The following LAMB4 variants were observed in gnomAD, a reference collection of about 807,000 sequenced individuals.
The protein encoded by LAMB4 is laminin subunit beta-4.
Under a neutral mutation model 199.2 loss-of-function variants are expected in LAMB4, and 196 were observed. The observed-to-expected ratio is 0.98, with a 90% CI of 0.88 to 1.11. The LOEUF is 1.11. LAMB4 is among the 50% of genes least tolerant of loss of function. The pLI is 0.00. For synonymous variants in LAMB4, 744 were observed against 770.6 expected (o/e 0.97, Z 0.57); for missense variants, 2,080 against 2,171.2 (o/e 0.96, Z 0.83).
rs1402825795 is a variant in LAMB4, at chr7:108,065,794, T to C, written c.2804A>G (p.Asp935Gly). The part of the protein sequence containing the change: ...HSCYQNLWSS[D>G]VICNCLQGYT... Reference sequence around the variant, plus strand: ...ACCTTGAAGACAATTGCAGATTACATCTGAGCTCCACAGATTCTGATAACA... The same window carrying C: ...ACCTTGAAGACAATTGCAGATTACACCTGAGCTCCACAGATTCTGATAACA... The change falls in exon 21 of 34, where the codon GAT (aspartate) becomes GGT (glycine). Residue 935 changes from aspartate to glycine, a missense_variant. Transcript: ENST00000388781. 4 of 1,614,126 alleles carry C rather than the reference T, an allele frequency of 2.5e-6. No individual in the cohort carries two copies. Among genetic ancestry groups the C allele is most frequent in the Non-Finnish European group, 3.4e-6 (4 of 1,179,982 alleles).
downstream of LAMB4, among the ~76,000 whole-genome samples, chr7:108,020,348 G>A (rs61138046): frequency 0.019 from 2,878 of 151,640 alleles, 94 homozygotes; most frequent in African/African-American, 0.065. Flanking sequence ...GCACATGCCT[G>A]TAATCCCAGC....
At chr7:108,016,202 A>G in the LAMB4 span, among the ~76,000 whole-genome samples, 1 of 149,878 alleles carries the variant, frequency 6.7e-6, no homozygotes, top group Non-Finnish European at 1.5e-5. Flanking sequence ...GGCCCTGGCT[A>G]GGTTAGCCTT....
chr7:108,103,668 C>T (rs1464047544), intron 9 of LAMB4, among the ~76,000 whole-genome samples: 1 of 152,216 alleles, frequency 6.6e-6, no homozygotes, highest in East Asian at 1.9e-4. Context: ...CCTCTTTCCA[C>T]AGCAGCAGAG....
chr7:108,097,794 T>C (rs747203302), intron 11 of LAMB4, among the ~76,000 whole-genome samples: 2 of 152,194 alleles, frequency 1.3e-5, no homozygotes, highest in African/African-American at 4.8e-5. Flanking sequence ...AAACACATAA[T>C]GTAATTTAAT....
rs2038589693 is a variant in LAMB4 at position 108,121,303 on chromosome 7, G to A, written c.34+1828C>T. 3.9e-5 allele frequency among the ~76,000 whole-genome samples: 6 copies of A among 152,256 alleles called. No individual in the cohort carries two copies. The South Asian group carries it at 1.2e-3, about 32-fold the overall frequency. On this transcript the variant is annotated intron_variant, in intron 2 of 33. Transcript: ENST00000388781. ...AAAGAATTGTTTTATAGAAATTACT[G>A]TTACTATATAATTTCTCTAGTATTT...
chr7:108,043,641 G>A lies in LAMB4; in HGVS notation c.4471+111C>T, dbSNP rs181191477. On this transcript the variant is annotated intron_variant, in intron 29 of 33. Coordinates refer to ENST00000388781, the MANE Select transcript of LAMB4 (RefSeq NM_007356.3). ...GTCGCCCAGGCTGGAGTGCAGTGGC[G>A]CGATCTCGGCTCACTGCAAGCTCCG... The A allele has an allele frequency of 7.2e-4, 165 of 230,692 alleles. 4 individuals carry two copies. The East Asian group carries it at 0.014, about 19-fold the overall frequency. The allele number at this position is 230,692 out of a possible 1,614,324, so 14.3% of individuals were successfully genotyped here. A position where few individuals can be genotyped will look rare whatever the true frequency, so the allele number is the denominator to read the frequency against.
At chr7:108,097,093 G>C (rs1232066697) in intron 11 of LAMB4, among the ~76,000 whole-genome samples, 1 of 152,100 alleles carries the variant, frequency 6.6e-6, no homozygotes, top group Admixed American at 6.6e-5. Context: ...TGGGAAATTG[G>C]TTTGACTATA....
intron 14 of LAMB4, among the ~76,000 whole-genome samples, chr7:108,082,329 TAAA>T (rs34929844): frequency 5.7e-5 from 6 of 104,646 alleles, no homozygotes; most frequent in Non-Finnish European, 3.8e-5. Context: ...GACTCCGTCT[TAAA>T]AAAAAAAAAA....
chr7:108,072,258 C>T (rs1055732903), intron 17 of LAMB4, among the ~76,000 whole-genome samples: 1 of 152,142 alleles, frequency 6.6e-6, no homozygotes. Flanking sequence ...TTTCATGGCT[C>T]TCTCCATGAA....
chr7:108,042,967 G>T (rs1395574610), intron 29 of LAMB4, among the ~76,000 whole-genome samples: 1 of 151,534 alleles, frequency 6.6e-6, no homozygotes, highest in Admixed American at 6.6e-5. Flanking sequence ...GTGTGTGTGT[G>T]TGTGTGTGTG....
At chr7:108,109,046 A>C in intron 5 of LAMB4, 125 bp downstream of exon 5, 1 of 698,836 alleles carries the variant, frequency 1.4e-6, no homozygotes, top group Non-Finnish European at 2.5e-6. Flanking sequence ...CTCAGGTGGC[A>C]AAGGTCAAGT....
At chr7:108,074,446 G>A (rs1011674703) in intron 17 of LAMB4, among the ~76,000 whole-genome samples, 6 of 152,056 alleles carry the variant, frequency 3.9e-5, no homozygotes, top group African/African-American at 1.4e-4. Context: ...TTGTCTCACC[G>A]CAACCTCTGC....
chr7:108,077,282 C>G (rs1420266375), intron 16 of LAMB4, among the ~76,000 whole-genome samples: 4 of 152,090 alleles, frequency 2.6e-5, no homozygotes, highest in Admixed American at 2.6e-4. Flanking sequence ...TGCCAAGTAG[C>G]AAAGTCTGAG....
intron 30 of LAMB4, among the ~76,000 whole-genome samples, chr7:108,035,842 C>A (rs1205206225): frequency 2.0e-5 from 3 of 148,396 alleles, no homozygotes; most frequent in Non-Finnish European, 4.4e-5. Context: ...TGTTATTAAA[C>A]ATCTTTTATC....
At chr7:108,029,306 T>C in intron 32 of LAMB4, 110 bp from the exon 33 acceptor site, 2 of 860,626 alleles carry the variant, frequency 2.3e-6, no homozygotes, top group South Asian at 4.5e-5. Context: ...GAAACCTTAA[T>C]CCAGTCAATA....
rs7788865 is a variant in LAMB4, at chr7:108,123,130, C to T, written c.34+1G>A. On this transcript the variant is annotated splice_donor_variant, in intron 2 of 33. Transcript: ENST00000388781. LOFTEE classifies it high-confidence loss of function. ...AATAGATTTTGACAACAAATACTCA[C>T]CAAGGTGCAAAAAAAGGGTCAGTTG... 1,447 of 1,608,816 alleles carry T rather than the reference C, an allele frequency of 9.0e-4. 13 individuals carry two copies. The African/African-American group carries it at 0.018, about 20-fold the overall frequency.
Position 108,029,190 on chromosome 7 carries a change from CA to C in LAMB4, c.4998del (p.Phe1666LeufsTer4), listed in dbSNP as rs761503483. The C allele has an allele frequency of 1.2e-6, 2 of 1,611,470 alleles. No individual in the cohort carries two copies. The highest frequency in any genetic ancestry group is 1.7e-6 in the Non-Finnish European group (2 of 1,179,242). The part of the protein sequence containing the change: ...QHQAGSLEKE[F>X]VELKKQYAIL... The stretch of plus-strand genomic sequence containing the variant: ...ATAGCATATTGTTTTTTCAGCTCAA[CA>C]AATTCCTGTAACAAGCAACACTTGC... On this transcript the variant is annotated frameshift_variant, in exon 33 of 34. Coordinates refer to ENST00000388781, the MANE Select transcript of LAMB4 (RefSeq NM_007356.3). LOFTEE classifies it high-confidence loss of function.
At chr7:108,020,085 C>G (rs188248914), downstream of LAMB4, among the ~76,000 whole-genome samples, 18 of 152,260 alleles carry the variant, frequency 1.2e-4, no homozygotes, top group Admixed American at 9.2e-4. Context: ...CACTTATCCC[C>G]TACTCTGGGA....
intron 28 of LAMB4, among the ~76,000 whole-genome samples, chr7:108,044,978 AAG>A: frequency 1.3e-5 from 2 of 148,412 alleles, no homozygotes; most frequent in African/African-American, 5.1e-5. Flanking sequence ...AAAAAAAGAA[AAG>A]AAAAGAAAAA....
Sources: gnomAD v4.1 joint callset for allele counts (sites outside exome capture counted in the v4.1 genomes callset) on GRCh38, gnomAD v4.1.1 for gene constraint, MANE v1.5 for transcripts, NCBI Gene and HGNC (gene_info 2026-07-23, HGNC 2026-07-21) for gene names.